Variants in LDB1 observed in about 807,000 individuals in gnomAD.
The protein encoded by LDB1 is LIM domain binding 1.
A neutral mutation model predicts 49.7 loss-of-function variants in LDB1; 6 were observed. The ratio of observed to expected loss-of-function variants is 0.12; its 90% CI spans 0.07 to 0.24. The LOEUF (loss-of-function observed/expected upper bound fraction) is 0.24. Ranked by LOEUF, LDB1 falls within the 10% of genes least tolerant of loss-of-function variation. The pLI, the probability that LDB1 is intolerant of heterozygous loss-of-function variation, is 1.00. For missense variants in LDB1, 341 were observed against 561.7 expected, an observed-to-expected ratio of 0.61 and a Z score of 3.97; for synonymous variants, 233 against 202.0, an observed-to-expected ratio of 1.15 and a Z score of -1.30.
intron 1 of LDB1, among the ~76,000 whole-genome samples, chr10:102,116,566 G>A (rs1270253757): frequency 6.6e-6 from 1 of 152,014 alleles, no homozygotes; most frequent in East Asian, 1.9e-4. Context: ...TACACACTGG[G>A]ACCTATGACA....
chr10:102,110,945 T>C lies in LDB1; in HGVS notation c.276A>G (p.Ala92=), dbSNP rs773830263. ...CATCCTCAAAGAACTCAGTCGTGAA[T>C]GCATCCCACCAGAGATTGTCACACT... is the stretch of plus-strand genomic sequence containing the variant. ...TEECDNLWWD[A]FTTEFFEDDA... The change falls in exon 5 of 11, where the codon GCA becomes GCG. Residue 92 remains alanine, a synonymous_variant. Transcript: ENST00000673968. 1.2e-6 allele frequency: 2 copies of C among 1,614,128 alleles called. No individual in the cohort carries two copies. Among genetic ancestry groups the C allele is most frequent in the Admixed American group, 3.3e-5 (2 of 60,020 alleles).
At chr10:102,102,726 G>T (rs1304196846), downstream of LDB1, among the ~76,000 whole-genome samples, 2 of 152,190 alleles carry the variant, frequency 1.3e-5, no homozygotes, top group African/African-American at 4.8e-5. Context: ...CCAGAGCTGG[G>T]CCCTGAGTGA....
Position 102,109,932 on chromosome 10 carries a change from G to A in LDB1, c.637C>T (p.Leu213Phe). 1 of 1,609,650 alleles carries A rather than the reference G, an allele frequency of 6.2e-7. No individual in the cohort carries two copies. Among genetic ancestry groups the A allele is most frequent in the East Asian group, 2.2e-5 (1 of 44,866 alleles). The change falls in exon 7 of 11, where the codon CTT becomes TTT. Residue 213 changes from leucine (L) to phenylalanine (F), a missense_variant. Transcript: ENST00000673968. The surrounding 1 kb of genome is among the most constrained non-coding windows in gnomAD (Gnocchi z 5.8). ...QHRELIPRSILAMHAQDPQML... is the reference protein window; with the variant it reads ...QHRELIPRSIFAMHAQDPQML... ...TGCCCACGACTCACATGCATGGCAA[G>A]GATGCTGCGGGGGATGAGCTCTCGG...
Position 102,110,017 on chromosome 10 carries a change from C to T in LDB1, c.552G>A (p.Leu184=). The change falls in exon 7 of 11, where the codon CTG becomes CTA. Residue 184 remains leucine, a synonymous_variant. Coordinates refer to ENST00000673968, the MANE Select transcript of LDB1 (RefSeq NM_001113407.3). Reference sequence around the variant, plus strand: ...GCATCATGTCGTCAAACATGAACTCCAGGTACAACCGGCCCTCCACACACA... The same window carrying T: ...GCATCATGTCGTCAAACATGAACTCTAGGTACAACCGGCCCTCCACACACA... ...TQVCVEGRLY[L]EFMFDDMMRI... 1 of 1,613,602 alleles carries T rather than the reference C, an allele frequency of 6.2e-7. No homozygotes were observed.
chr10:102,115,233 C>T (rs1318630610), intron 1 of LDB1, among the ~76,000 whole-genome samples: 1 of 152,186 alleles, frequency 6.6e-6, no homozygotes, highest in Non-Finnish European at 1.5e-5. Flanking sequence ...CCCGCCTCCC[C>T]CGAGCCCCAG....
chr10:102,119,318 AG>A (rs1330719041), intron 1 of LDB1, among the ~76,000 whole-genome samples: 2 of 49,932 alleles, frequency 4.0e-5, no homozygotes, highest in Non-Finnish European at 9.2e-5. Context: ...CCTGCCCCCC[AG>A]GAAAAAAACT....
intron 1 of LDB1, among the ~76,000 whole-genome samples, chr10:102,113,772 A>C (rs546083611): frequency 6.6e-5 from 10 of 152,054 alleles, no homozygotes; most frequent in South Asian, 2.1e-4. Context: ...AAAAAAAAAA[A>C]AAAAAACTCT....
intron 1 of LDB1, chr10:102,114,702 CTTT>C (rs1469226831): frequency 1.2e-6 from 1 of 808,496 alleles, no homozygotes; most frequent in Non-Finnish European, 1.5e-6. Context: ...CCGGAGCCTT[CTTT>C]GTTTGCAAGG....
In LDB1 at chr10:102,109,305, G is replaced by A; in HGVS notation, c.856+79C>T. Reference sequence around the variant, plus strand: ...GACCCGGGAACAAGGAAGGGGTGGGGAAAACTTCAAAAGGAAATAAAGATA... The same window carrying A: ...GACCCGGGAACAAGGAAGGGGTGGGAAAAACTTCAAAAGGAAATAAAGATA... On this transcript the variant is annotated intron_variant, in intron 9 of 10. Coordinates refer to ENST00000673968, the MANE Select transcript of LDB1 (RefSeq NM_001113407.3). This position sits in a 1 kb window ranked among gnomAD's most constrained non-coding sequence, Gnocchi z 5.8. 1.9e-6 allele frequency: 3 copies of A among 1,605,384 alleles called. No individual in the cohort carries two copies.
intron 10 of LDB1, 114 bp downstream of exon 10, chr10:102,108,915 T>C: frequency 7.3e-7 from 1 of 1,375,806 alleles, no homozygotes; most frequent in East Asian, 2.3e-5. Flanking sequence ...GCTGGCAGAG[T>C]ACATGAGAAA....
At position 102,120,140 on chromosome 10, in the gene LDB1, C is replaced by G; in HGVS notation, c.-30G>C. 7.6e-7 allele frequency: 1 copy of G among 1,311,442 alleles called. No individual in the cohort carries two copies. Among genetic ancestry groups the G allele is most frequent in the Non-Finnish European group, 9.8e-7 (1 of 1,018,594 alleles). The allele number at this position is 1,311,442 out of a possible 1,614,324, so 81.2% of individuals were successfully genotyped here. ...ACATCGCCCGCCTCTGGGGGCCCAG[C>G]CGAGTCACGGTGCCCGCCCCTCGCG... is the stretch of plus-strand genomic sequence containing the variant. On this transcript the variant is annotated 5_prime_UTR_variant, in exon 1 of 11. Transcript: ENST00000673968.
At position 102,110,048 on chromosome 10, in the gene LDB1, G is replaced by T; in HGVS notation, c.526-5C>A. 1.9e-6 allele frequency: 3 copies of T among 1,611,224 alleles called. No individual in the cohort carries two copies. The highest frequency in any genetic ancestry group is 2.5e-6 in the Non-Finnish European group (3 of 1,178,378). ...CAACCGGCCCTCCACACACACCTGG[G>T]GACAGGCTTGTCAGAACCCTGCCCC... is the stretch of plus-strand genomic sequence containing the variant. On this transcript the variant is annotated splice_region_variant and splice_polypyrimidine_tract_variant and intron_variant, in intron 6 of 10. Transcript: ENST00000673968.
rs779639417 is a variant in LDB1, at chr10:102,110,073, C to G, written c.526-30G>C. ...GGACAGGCTTGTCAGAACCCTGCCC[C>G]CTCCCCACATACCATACCTGAAGGT... is the stretch of plus-strand genomic sequence containing the variant. On this transcript the variant is annotated intron_variant, in intron 6 of 10. Transcript: ENST00000673968. 8.1e-6 allele frequency: 13 copies of G among 1,603,234 alleles called. 1 individual carries two copies. The highest frequency in any genetic ancestry group is 1.7e-4 in the Middle Eastern group (1 of 6,022).
chr10:102,120,785 C>G (rs1312960652), upstream of LDB1, among the ~76,000 whole-genome samples: 1 of 152,140 alleles, frequency 6.6e-6, no homozygotes, highest in African/African-American at 2.4e-5. Context: ...GGGAGTCTGG[C>G]TGAGCCGGAG....
At chr10:102,105,541 T>C (rs375298304), downstream of LDB1, among the ~76,000 whole-genome samples, 1 of 152,160 alleles carries the variant, frequency 6.6e-6, no homozygotes. Flanking sequence ...GGGAGCTTTA[T>C]GGGCACTAAG....
Position 102,109,017 on chromosome 10 carries a change from C to T in LDB1, c.1005+12G>A, listed in dbSNP as rs1019698398. On this transcript the variant is annotated intron_variant, in intron 10 of 10. Coordinates refer to ENST00000673968, the MANE Select transcript of LDB1 (RefSeq NM_001113407.3). This position sits in a 1 kb window ranked among gnomAD's most constrained non-coding sequence, Gnocchi z 5.8. ...GGCAGCCCAGAAGAGAGAAGAAAGCCGAGATGCTTACAGGTACCTGGCTGG... is the reference window on the plus strand; with the variant it reads ...GGCAGCCCAGAAGAGAGAAGAAAGCTGAGATGCTTACAGGTACCTGGCTGG... 1.9e-6 allele frequency: 3 copies of T among 1,614,050 alleles called. No homozygotes were observed. Among genetic ancestry groups the T allele is most frequent in the African/African-American group, 2.7e-5 (2 of 74,908 alleles).
chr10:102,105,395 T>C (rs1483057307), downstream of LDB1, among the ~76,000 whole-genome samples: 1 of 152,134 alleles, frequency 6.6e-6, no homozygotes, highest in Non-Finnish European at 1.5e-5. Flanking sequence ...CTCTGGTGTC[T>C]TCCTACCAGC....
intron 1 of LDB1, among the ~76,000 whole-genome samples, chr10:102,115,387 G>T (rs1308236448): frequency 6.6e-6 from 1 of 152,216 alleles, no homozygotes; most frequent in East Asian, 1.9e-4. Flanking sequence ...CGCTCAGGTT[G>T]AAGGCTGGCC....
chr10:102,108,223 G>T lies in LDB1; in HGVS notation c.1106C>A (p.Ala369Asp). The T allele has an allele frequency of 6.2e-7, 1 of 1,614,076 alleles. No individual in the cohort carries two copies. Residue 369 changes from alanine (A) to aspartate (D), a missense_variant, in exon 11 of 11, where the codon GCC (alanine) becomes GAC (aspartate). By Grantham distance (126) the Ala-to-Asp change is moderately radical (BLOSUM62 -2). This residue lies in a region of LDB1 where 46 missense variants were observed against 62.9 expected (regional missense o/e 0.73). Transcript: ENST00000673968. ...GCTGTCCTCGTCGTCAATGCCGTTGGCTGCGTCAAACTGGGTGTTCTCCAG... is the reference window on the plus strand; with the variant it reads ...GCTGTCCTCGTCGTCAATGCCGTTGTCTGCGTCAAACTGGGTGTTCTCCAG... The part of the protein sequence containing the change: ...TRLENTQFDA[A>D]NGIDDEDSFN...
Sources: allele counts gnomAD v4.1 joint callset (sites outside exome capture counted in the v4.1 genomes callset), GRCh38; gene constraint gnomAD v4.1.1; regional missense constraint gnomAD v4.1.1; non-coding constraint Gnocchi (gnomAD v3.1); transcripts MANE v1.5; gene names NCBI Gene and HGNC (gene_info 2026-07-23, HGNC 2026-07-21).